The following CAMSAP2 variants were observed in gnomAD, a reference collection of about 807,000 sequenced individuals.
The protein encoded by CAMSAP2 is calmodulin regulated spectrin associated protein family member 2, also known as calmodulin-regulated spectrin-associated protein 2.
Under a neutral mutation model 146.1 loss-of-function variants are expected in CAMSAP2, and 26 were observed. The observed-to-expected ratio is 0.18, with a 90% confidence interval of 0.13 to 0.25. The LOEUF is 0.25. Ranked by LOEUF, CAMSAP2 falls within the 10% of genes least tolerant of loss-of-function variation. The pLI is 1.00. For synonymous variants in CAMSAP2, 499 were observed against 596.6 expected (o/e 0.84, Z 2.38); for missense variants, 1,381 against 1,759.3 (o/e 0.78, Z 3.85).
At position 200,803,113 on chromosome 1, in the gene CAMSAP2, T is replaced by A. The variant is rs192899030; in HGVS notation, c.400-4263T>A. Among the ~76,000 whole-genome samples the A allele has an allele frequency of 1.2e-3, 178 of 152,346 alleles. 1 individual carries two copies. Among genetic ancestry groups the A allele is most frequent in the Admixed American group, 6.1e-3 (93 of 15,298 alleles). On this transcript the variant is annotated intron_variant, in intron 2 of 16. Transcript: ENST00000358823. Reference sequence around the variant, plus strand: ...CAATGTACACTGCTGTTTCTGTTGCTGCCGCAGTTGCCTCCTACAAGGTGC... The same window carrying A: ...CAATGTACACTGCTGTTTCTGTTGCAGCCGCAGTTGCCTCCTACAAGGTGC...
intron 2 of CAMSAP2, among the ~76,000 whole-genome samples, chr1:200,769,057 C>T (rs540356637): frequency 1.2e-4 from 18 of 152,212 alleles, no homozygotes; most frequent in Admixed American, 3.9e-4. Flanking sequence ...TATTTTATCC[C>T]TTATGTCAAC....
At chr1:200,787,370 A>G (rs1161669342) in intron 2 of CAMSAP2, among the ~76,000 whole-genome samples, 1 of 152,190 alleles carries the variant, frequency 6.6e-6, no homozygotes, top group Non-Finnish European at 1.5e-5. Context: ...TTGATTTCCA[A>G]CTTTTAGGGA....
chr1:200,756,438 G>C (rs1190478756), intron 1 of CAMSAP2, among the ~76,000 whole-genome samples: 1 of 151,616 alleles, frequency 6.6e-6, no homozygotes, highest in East Asian at 1.9e-4. Flanking sequence ...GGGCGACAGA[G>C]TGAGACTCTT....
At chr1:200,797,062 G>A (rs1665904642) in intron 2 of CAMSAP2, among the ~76,000 whole-genome samples, 1 of 152,066 alleles carries the variant, frequency 6.6e-6, no homozygotes, top group Non-Finnish European at 1.5e-5. Flanking sequence ...TCTTAATCCA[G>A]TCTATCATTG....
intron 2 of CAMSAP2, among the ~76,000 whole-genome samples, chr1:200,785,392 T>TG (rs1338289502): frequency 2.9e-5 from 4 of 136,390 alleles, no homozygotes; most frequent in Non-Finnish European, 6.8e-5. Flanking sequence ...TTTTTTCTTT[T>TG]GTTTTTTTTT....
intron 15 of CAMSAP2, among the ~76,000 whole-genome samples, 196 bp downstream of exon 15, chr1:200,856,321 C>T (rs1485262847): frequency 6.6e-6 from 1 of 152,164 alleles, no homozygotes; most frequent in Non-Finnish European, 1.5e-5. Flanking sequence ...ATATCTCATC[C>T]CTCTAACCAA....
At chr1:200,830,891 C>T (rs1667024412) in intron 4 of CAMSAP2, among the ~76,000 whole-genome samples, 2 of 152,110 alleles carry the variant, frequency 1.3e-5, no homozygotes, top group African/African-American at 4.8e-5. Flanking sequence ...CCTTGGGTAG[C>T]CAGTGAGAGA....
At chr1:200,782,317 A>G (rs923562193) in intron 2 of CAMSAP2, among the ~76,000 whole-genome samples, 5 of 152,212 alleles carry the variant, frequency 3.3e-5, no homozygotes, top group African/African-American at 1.2e-4. Flanking sequence ...CAACTTTACT[A>G]AGGCATAATT....
intron 4 of CAMSAP2, chr1:200,828,517 A>G (rs1283164742): frequency 4.0e-6 from 6 of 1,511,920 alleles, no homozygotes; most frequent in Non-Finnish European, 5.4e-6. Context: ...GATAATTCTG[A>G]TGAATTTTCC....
chr1:200,823,007 G>C (rs1235747397), intron 4 of CAMSAP2, among the ~76,000 whole-genome samples: 1 of 152,152 alleles, frequency 6.6e-6, no homozygotes. Context: ...GGTAATTTGA[G>C]AGGAGTTACT....
At chr1:200,794,771 TTA>T in intron 2 of CAMSAP2, among the ~76,000 whole-genome samples, 1 of 152,330 alleles carries the variant, frequency 6.6e-6, no homozygotes, top group Non-Finnish European at 1.5e-5. Flanking sequence ...CATGCTCTAA[TTA>T]GAGTCCCATC....
chr1:200,850,434 C>T (rs1246817572), intron 11 of CAMSAP2, among the ~76,000 whole-genome samples, 200 bp downstream of exon 11: 3 of 152,090 alleles, frequency 2.0e-5, no homozygotes, highest in Non-Finnish European at 4.4e-5. Context: ...ATCCTTTTAT[C>T]ACATGTTTAG....
chr1:200,820,194 G>A (rs1666712879), intron 4 of CAMSAP2, among the ~76,000 whole-genome samples: 1 of 151,790 alleles, frequency 6.6e-6, no homozygotes, highest in South Asian at 2.1e-4. Flanking sequence ...CCTAGTAGCT[G>A]GGATTACAGG....
intron 4 of CAMSAP2, among the ~76,000 whole-genome samples, chr1:200,831,697 A>C (rs961781378): frequency 6.6e-6 from 1 of 151,644 alleles, no homozygotes; most frequent in Non-Finnish European, 1.5e-5. Flanking sequence ...ATAATAACCC[A>C]GAATGTCTTG....
intron 1 of CAMSAP2, among the ~76,000 whole-genome samples, chr1:200,742,083 T>C (rs945195983): frequency 2.6e-5 from 4 of 152,262 alleles, no homozygotes; most frequent in Admixed American, 2.6e-4. Flanking sequence ...CTGTAGATAC[T>C]GTTCTCATTT....
chr1:200,844,168 G>A (rs2102241160), intron 7 of CAMSAP2, among the ~76,000 whole-genome samples: 1 of 150,130 alleles, frequency 6.7e-6, no homozygotes, highest in South Asian at 2.3e-4. Flanking sequence ...ACCACACCCA[G>A]CCACTTATTT....
intron 1 of CAMSAP2, among the ~76,000 whole-genome samples, chr1:200,755,419 T>G (rs1664619898): frequency 2.6e-5 from 4 of 152,210 alleles, no homozygotes. Context: ...ACTCCCCTGG[T>G]CACTGAGAAA....
In CAMSAP2 at chr1:200,844,814, G is replaced by T; in HGVS notation, c.1054G>T (p.Val352Phe). 6.3e-7 allele frequency: 1 copy of T among 1,595,572 alleles called. No individual in the cohort carries two copies. The highest frequency in any genetic ancestry group is 8.5e-7 in the Non-Finnish European group (1 of 1,173,910). The change falls in exon 8 of 17, where the codon GTC (valine) becomes TTC (phenylalanine). Residue 352 changes from valine (V) to phenylalanine (F), a missense_variant. Val to Phe is a conservative substitution (Grantham distance 50, BLOSUM62 -1). Transcript: ENST00000358823. ...TGTAAAAGATATGCCTTCAATTCCT[G>T]TCTTGAATGCTGCCAAAAGAAATGT... The part of the protein sequence containing the change: ...EPVKDMPSIP[V>F]LNAAKRNVLD...
rs1664083949 is a variant in CAMSAP2 at position 200,739,566 on chromosome 1, G to C, written c.-262G>C. On this transcript the variant is annotated 5_prime_UTR_variant, in exon 1 of 17. Transcript: ENST00000358823. The surrounding 1 kb of genome is among the most constrained non-coding windows in gnomAD (Gnocchi z 4.8). ...CTCGGAGGGGCGCGGGCACGGGGCGGACCTCGCGCGGACGGACGGACGGAG... is the reference window on the plus strand; with the variant it reads ...CTCGGAGGGGCGCGGGCACGGGGCGCACCTCGCGCGGACGGACGGACGGAG... 5.2e-6 allele frequency: 1 copy of C among 193,556 alleles called. No individual in the cohort carries two copies. Among genetic ancestry groups the C allele is most frequent in the Non-Finnish European group, 1.0e-5 (1 of 97,224 alleles). The allele number at this position is 193,556 out of a possible 1,614,324, so 12.0% of individuals were successfully genotyped here. A position where few individuals can be genotyped will look rare whatever the true frequency, so the allele number is the denominator to read the frequency against.
Sources: gnomAD v4.1 joint callset for allele counts (sites outside exome capture counted in the v4.1 genomes callset) on GRCh38, gnomAD v4.1.1 for gene constraint, Gnocchi (gnomAD v3.1) non-coding constraint, MANE v1.5 for transcripts, NCBI Gene and HGNC (gene_info 2026-07-23, HGNC 2026-07-21) for gene names.